Variants in STX8 observed in about 807,000 individuals in gnomAD.
STX8 encodes the protein syntaxin 8.
STX8 carries 23 observed loss-of-function variants against 37.5 expected under a neutral mutation model. The observed-to-expected ratio is 0.61, with a 90% CI of 0.44 to 0.87. The LOEUF is 0.87. STX8 is among the 40% of genes least tolerant of loss of function. The probability of loss-of-function intolerance (pLI) is 0.00; values close to 1 mark genes in which losing one functional copy is unlikely to be tolerated. For synonymous variants in STX8, 115 were observed against 99.1 expected, an observed-to-expected ratio of 1.16 and a Z score of -0.95; for missense variants, 313 against 284.7, an observed-to-expected ratio of 1.10 and a Z score of -0.71.
At chr17:9,407,504 A>G in intron 6 of STX8, among the ~76,000 whole-genome samples, 1 of 146,824 alleles carries the variant, frequency 6.8e-6, no homozygotes, top group African/African-American at 2.4e-5. Flanking sequence ...TGAGCCAAAT[A>G]TGAGTGACCA....
intron 6 of STX8, among the ~76,000 whole-genome samples, chr17:9,430,163 A>ATATAATTTATATATAAAATATAAAT (rs1555526715): frequency 8.3e-4 from 89 of 107,458 alleles, no homozygotes; most frequent in Admixed American, 2.6e-3. Flanking sequence ...AAAATATAAA[A>ATATAATTTATATATAAAATATAAAT]TATATATAAT....
chr17:9,333,415 T>A (rs538678915), intron 7 of STX8, among the ~76,000 whole-genome samples: 62 of 152,270 alleles, frequency 4.1e-4, no homozygotes, highest in Non-Finnish European at 7.2e-4. Flanking sequence ...TGAAACAGAG[T>A]CTTGCTCTGT....
intron 3 of STX8, among the ~76,000 whole-genome samples, chr17:9,547,727 G>A (rs1204039565): frequency 6.6e-6 from 1 of 151,028 alleles, no homozygotes; most frequent in Non-Finnish European, 1.5e-5. Context: ...AGACAGTTTT[G>A]GAAAGGGACA....
chr17:9,272,601 C>T (rs745628744), intron 7 of STX8, among the ~76,000 whole-genome samples: 3 of 152,250 alleles, frequency 2.0e-5, no homozygotes, highest in African/African-American at 7.2e-5. Context: ...CCGAAGCTAG[C>T]GCGCCAGCGA....
At chr17:9,286,975 G>A (rs1908096631) in intron 7 of STX8, among the ~76,000 whole-genome samples, 1 of 152,268 alleles carries the variant, frequency 6.6e-6, no homozygotes, top group Non-Finnish European at 1.5e-5. Context: ...CCTGTCTCAC[G>A]GGGCTGTAAA....
intron 7 of STX8, among the ~76,000 whole-genome samples, chr17:9,295,871 C>G (rs994511406): frequency 7.6e-5 from 9 of 118,900 alleles, no homozygotes; most frequent in African/African-American, 2.4e-4. Context: ...ATGGTGAAAC[C>G]CCATCTCTAC....
intron 4 of STX8, among the ~76,000 whole-genome samples, chr17:9,516,343 A>ATATG (rs55647835): frequency 2.3e-5 from 3 of 131,136 alleles, no homozygotes; most frequent in South Asian, 2.4e-4. Context: ...ATATATATAT[A>ATATG]GACACCTGTT....
intron 7 of STX8, among the ~76,000 whole-genome samples, chr17:9,317,451 G>GT (rs1909418496): frequency 6.6e-6 from 1 of 152,136 alleles, no homozygotes; most frequent in African/African-American, 2.4e-5. Flanking sequence ...AGGCAAATAA[G>GT]TGTCTTATCT....
chr17:9,574,785 C>T (rs1437906637), intron 1 of STX8, among the ~76,000 whole-genome samples: 1 of 152,162 alleles, frequency 6.6e-6, no homozygotes, highest in African/African-American at 2.4e-5. Flanking sequence ...CTGCCTGCCT[C>T]GGCCTCCCAA....
At chr17:9,253,554 G>C (rs1228569170) in intron 7 of STX8, among the ~76,000 whole-genome samples, 1 of 152,102 alleles carries the variant, frequency 6.6e-6, no homozygotes, top group Non-Finnish European at 1.5e-5. Context: ...GCACAGGCTG[G>C]GATGGGGCGA....
At chr17:9,354,609 C>T (rs550314003) in intron 7 of STX8, among the ~76,000 whole-genome samples, 22 of 151,672 alleles carry the variant, frequency 1.5e-4, no homozygotes, top group African/African-American at 4.6e-4. Flanking sequence ...CAGGAGCCAC[C>T]GTGCCCGGCC....
At chr17:9,398,584 C>T (rs544876829) in intron 6 of STX8, among the ~76,000 whole-genome samples, 11 of 152,250 alleles carry the variant, frequency 7.2e-5, no homozygotes, top group South Asian at 2.1e-4. Context: ...ATATCAATAT[C>T]GGCCCATTAA....
intron 4 of STX8, among the ~76,000 whole-genome samples, chr17:9,509,391 A>G (rs966064195): frequency 6.6e-6 from 1 of 150,472 alleles, no homozygotes; most frequent in African/African-American, 2.5e-5. Context: ...TTATGTTCAA[A>G]GTACTAAAAG....
chr17:9,543,232 C>T (rs1906353221), intron 4 of STX8, among the ~76,000 whole-genome samples: 1 of 152,020 alleles, frequency 6.6e-6, no homozygotes, highest in Non-Finnish European at 1.5e-5. Flanking sequence ...TACCTATGTC[C>T]TTATTAATTT....
chr17:9,312,824 G>A (rs1309314952), intron 7 of STX8, among the ~76,000 whole-genome samples: 1 of 152,162 alleles, frequency 6.6e-6, no homozygotes, highest in Non-Finnish European at 1.5e-5. Context: ...GAGAAATTAT[G>A]ACCTAGAGTG....
At chr17:9,299,950 A>C (rs1243525635) in intron 7 of STX8, among the ~76,000 whole-genome samples, 1 of 152,184 alleles carries the variant, frequency 6.6e-6, no homozygotes, top group South Asian at 2.1e-4. Flanking sequence ...TATCTCGTCA[A>C]GATCTTGGAA....
intron 2 of STX8, among the ~76,000 whole-genome samples, chr17:9,564,544 C>T (rs1907380010): frequency 1.3e-5 from 2 of 152,166 alleles, no homozygotes; most frequent in Admixed American, 1.3e-4. Context: ...CAAAACATCA[C>T]TAACATTCCT....
intron 4 of STX8, among the ~76,000 whole-genome samples, chr17:9,522,076 C>T (rs1460826724): frequency 6.6e-6 from 1 of 152,072 alleles, no homozygotes. Context: ...AACCCCAGGG[C>T]ACTGCTCCTG....
intron 5 of STX8, among the ~76,000 whole-genome samples, chr17:9,500,287 G>A (rs916996138): frequency 2.0e-5 from 3 of 152,152 alleles, no homozygotes; most frequent in South Asian, 2.1e-4. Context: ...ACAAAACAGG[G>A]TAAATATACG....
Sources: allele counts gnomAD v4.1 joint callset (sites outside exome capture counted in the v4.1 genomes callset), GRCh38; gene constraint gnomAD v4.1.1; transcripts MANE v1.5; gene names NCBI Gene and HGNC (gene_info 2026-07-23, HGNC 2026-07-21).